Variants in DGKB observed in about 807,000 individuals in gnomAD.
The protein encoded by DGKB is 90 kDa diacylglycerol kinase.
In DGKB, 67 loss-of-function variants were observed where a neutral mutation model predicts 114.3. That is an observed-to-expected ratio of 0.59 (90% CI 0.48 to 0.72). DGKB has a LOEUF of 0.72. DGKB is among the 30% of genes least tolerant of loss of function. DGKB has a pLI of 0.00. For synonymous variants in DGKB, 398 were observed against 323.1 expected, an observed-to-expected ratio of 1.23 and a Z score of -2.49; for missense variants, 907 against 975.2, an observed-to-expected ratio of 0.93 and a Z score of 0.93.
At chr7:14,336,395 C>G (rs897242904) in intron 23 of DGKB, among the ~76,000 whole-genome samples, 2 of 152,108 alleles carry the variant, frequency 1.3e-5, no homozygotes, top group African/African-American at 4.8e-5. Flanking sequence ...ATAAGCTAGT[C>G]AGTTAAGTCA....
chr7:14,332,576 T>C (rs1809926811), intron 23 of DGKB, among the ~76,000 whole-genome samples: 1 of 152,262 alleles, frequency 6.6e-6, no homozygotes, highest in Admixed American at 6.5e-5. Flanking sequence ...TGTTTTACTC[T>C]ATTTTTACTT....
chr7:14,941,857 G>A (rs1204997693), intron 1 of DGKB, among the ~76,000 whole-genome samples: 2 of 151,898 alleles, frequency 1.3e-5, no homozygotes, highest in African/African-American at 4.8e-5. Context: ...GGCATAATAA[G>A]GTATAATTTC....
At chr7:14,651,108 A>G (rs1814376505) in intron 13 of DGKB, among the ~76,000 whole-genome samples, 1 of 152,110 alleles carries the variant, frequency 6.6e-6, no homozygotes, top group South Asian at 2.1e-4. Context: ...AACTATTCCA[A>G]TCAATAGAAA....
At chr7:14,344,512 G>T (rs1444624116) in intron 22 of DGKB, among the ~76,000 whole-genome samples, 1 of 151,616 alleles carries the variant, frequency 6.6e-6, no homozygotes, top group East Asian at 1.9e-4. Flanking sequence ...AAAATGAAAA[G>T]TGTTGAAGCC....
At chr7:14,501,398 A>G (rs144896932) in intron 20 of DGKB, among the ~76,000 whole-genome samples, 13 of 151,908 alleles carry the variant, frequency 8.6e-5, no homozygotes, top group Non-Finnish European at 1.6e-4. Flanking sequence ...AATTTAATAC[A>G]TAAGAAACAT....
intron 13 of DGKB, among the ~76,000 whole-genome samples, chr7:14,650,916 C>G (rs1025171116): frequency 3.3e-5 from 5 of 152,116 alleles, no homozygotes; most frequent in Middle Eastern, 3.4e-3. Flanking sequence ...ATAAACTCCT[C>G]GACACATACA....
At chr7:14,636,570 GGT>G (rs1029042229) in intron 13 of DGKB, among the ~76,000 whole-genome samples, 1 of 151,650 alleles carries the variant, frequency 6.6e-6, no homozygotes, top group Non-Finnish European at 1.5e-5. Flanking sequence ...TACATACATC[GGT>G]GTGTGTCATC....
intron 14 of DGKB, among the ~76,000 whole-genome samples, chr7:14,625,667 T>G (rs1808443154): frequency 6.6e-6 from 1 of 152,138 alleles, no homozygotes; most frequent in African/African-American, 2.4e-5. Flanking sequence ...ATTACATTGT[T>G]GTAATTAAGG....
intron 9 of DGKB, among the ~76,000 whole-genome samples, chr7:14,692,376 T>A (rs1823020627): frequency 6.6e-6 from 1 of 152,018 alleles, no homozygotes; most frequent in Non-Finnish European, 1.5e-5. Flanking sequence ...ACATAAAATG[T>A]CCTTCTCGGG....
At chr7:14,175,087 T>A (rs910805046) in intron 25 of DGKB, among the ~76,000 whole-genome samples, 1 of 152,204 alleles carries the variant, frequency 6.6e-6, no homozygotes, top group South Asian at 2.1e-4. Flanking sequence ...CTGTTTGAAA[T>A]CTGTAACTAA....
intron 17 of DGKB, among the ~76,000 whole-genome samples, chr7:14,587,510 G>C (rs535851596): frequency 1.3e-5 from 2 of 152,226 alleles, no homozygotes; most frequent in East Asian, 3.9e-4. Context: ...GCAGCAGCAG[G>C]ATTTGAGAAG....
At chr7:14,611,500 T>C (rs973178258) in intron 16 of DGKB, among the ~76,000 whole-genome samples, 1 of 152,168 alleles carries the variant, frequency 6.6e-6, no homozygotes, top group African/African-American at 2.4e-5. Context: ...GATCACCTTG[T>C]GAAAGGTGCC....
intron 2 of DGKB, among the ~76,000 whole-genome samples, chr7:14,800,551 G>A (rs747045904): frequency 5.3e-5 from 8 of 152,302 alleles, no homozygotes; most frequent in Admixed American, 3.3e-4. Context: ...TGGCACTCAG[G>A]CTGGCTGTCC....
chr7:14,943,128 A>G (rs1404047941), intron 1 of DGKB, among the ~76,000 whole-genome samples: 2 of 151,924 alleles, frequency 1.3e-5, no homozygotes, highest in Non-Finnish European at 2.9e-5. Context: ...ATATGGAAAA[A>G]TGTTTTGAAA....
At chr7:14,469,079 T>C (rs1780901434) in intron 21 of DGKB, among the ~76,000 whole-genome samples, 1 of 152,144 alleles carries the variant, frequency 6.6e-6, no homozygotes, top group South Asian at 2.1e-4. Flanking sequence ...TCAGCATGTA[T>C]CTGTTAGAGC....
intron 2 of DGKB, among the ~76,000 whole-genome samples, chr7:14,795,328 T>G (rs1227015336): frequency 6.6e-6 from 1 of 152,206 alleles, no homozygotes; most frequent in African/African-American, 2.4e-5. Context: ...GTTGGTTAAC[T>G]GCTGAGATAT....
chr7:14,539,753 C>T (rs1457864297), intron 20 of DGKB, among the ~76,000 whole-genome samples: 9 of 152,066 alleles, frequency 5.9e-5, no homozygotes. Flanking sequence ...CTCACCTTCA[C>T]ATTGTTGATT....
chr7:14,176,671 T>C, intron 25 of DGKB, 168 bp downstream of exon 25: 2 of 1,417,842 alleles, frequency 1.4e-6, no homozygotes, highest in Non-Finnish European at 1.8e-6. Context: ...ATATAATGTC[T>C]ACAACCTAAA....
chr7:14,476,378 T>C (rs996799557), intron 21 of DGKB, among the ~76,000 whole-genome samples: 1 of 152,086 alleles, frequency 6.6e-6, no homozygotes, highest in African/African-American at 2.4e-5. Flanking sequence ...TCTTGTAAAA[T>C]AAAAATGTCT....
Sources: gnomAD v4.1 joint callset for allele counts (sites outside exome capture counted in the v4.1 genomes callset) on GRCh38, gnomAD v4.1.1 for gene constraint, MANE v1.5 for transcripts, NCBI Gene and HGNC (gene_info 2026-07-23, HGNC 2026-07-21) for gene names.